Variants in CCND2 observed in about 807,000 individuals in gnomAD.
The protein encoded by CCND2 is cyclin D2.
Under a neutral mutation model 30.2 loss-of-function variants are expected in CCND2, and 6 were observed. The ratio of observed to expected loss-of-function variants is 0.20; its 90% confidence interval spans 0.11 to 0.39. CCND2 has a LOEUF of 0.39. Among genes scored for constraint, CCND2 ranks in the 10% least tolerant of loss-of-function variants. CCND2 has a pLI of 1.00. For missense variants in CCND2, 235 were observed against 373.4 expected (o/e 0.63, Z 3.06); for synonymous variants, 150 against 153.1 (o/e 0.98, Z 0.15).
Position 4,288,946 on chromosome 12 carries a change from G to T in CCND2, c.676G>T (p.Asp226Tyr). 6.2e-7 allele frequency: 1 copy of T among 1,613,930 alleles called. No homozygotes were observed. The highest frequency in any genetic ancestry group is 8.5e-7 in the Non-Finnish European group (1 of 1,179,916). The part of the protein sequence containing the change: ...QDEEVSSLTC[D>Y]ALTELLAKIT... Reference sequence around the variant, plus strand: ...TGAGGAAGTGAGCTCGCTCACTTGTGATGCCCTGACTGAGCTGCTGGCTAA... The same window carrying T: ...TGAGGAAGTGAGCTCGCTCACTTGTTATGCCCTGACTGAGCTGCTGGCTAA... Residue 226 changes from aspartate (D) to tyrosine (Y), a missense_variant, in exon 4 of 5, where the codon GAT becomes TAT. Around this residue, in one of 2 missense-constraint regions of CCND2, gnomAD observed 178 missense variants for 322.8 expected, o/e 0.55. Transcript: ENST00000261254.
At position 4,302,883 on chromosome 12, in the gene CCND2, G is replaced by A. The variant is rs1202950698; in HGVS notation, c.*2874G>A. 2 of 233,228 alleles carry A rather than the reference G, an allele frequency of 8.6e-6. No homozygotes were observed. Among genetic ancestry groups the A allele is most frequent in the African/African-American group, 4.4e-5 (2 of 45,330 alleles). 14.4% of individuals were successfully genotyped at this position (233,228 alleles called of 1,614,324 possible). ...AATGGGTGGTGAATTCTGAAGTTTT[G>A]GAGAGGGAAGTGGAGCAGCCAGCAA... is the stretch of plus-strand genomic sequence containing the variant. On this transcript the variant is annotated 3_prime_UTR_variant, in exon 5 of 5. Transcript: ENST00000261254.
Position 4,299,984 on chromosome 12 carries a change from C to T in CCND2, c.845C>T (p.Thr282Ile). 1 of 1,614,058 alleles carries T rather than the reference C, an allele frequency of 6.2e-7. No individual in the cohort carries two copies. The highest frequency in any genetic ancestry group is 8.5e-7 in the Non-Finnish European group (1 of 1,179,972). ...EDELDQASTP[T>I]DVRDIDL The stretch of plus-strand genomic sequence containing the variant: ...GAACTGGACCAAGCCAGCACCCCTA[C>T]AGACGTGCGGGATATCGACCTGTGA... The change falls in exon 5 of 5, where the codon ACA (threonine) becomes ATA (isoleucine). Residue 282 changes from threonine (T) to isoleucine (I), a missense_variant. By Grantham distance (89) the Thr-to-Ile change is moderately conservative. This residue lies in a region of CCND2 where 57 missense variants were observed against 50.7 expected (regional missense o/e 1.12). Coordinates refer to ENST00000261254, the MANE Select transcript of CCND2 (RefSeq NM_001759.4). The surrounding 1 kb of genome is among the most constrained non-coding windows in gnomAD (Gnocchi z 5.2).
chr12:4,276,384 A>G lies in CCND2; in HGVS notation c.411+164A>G, dbSNP rs886856576. Among the ~76,000 whole-genome samples the G allele has an allele frequency of 3.9e-5, 6 of 152,132 alleles. No homozygotes were observed. The highest frequency in any genetic ancestry group is 1.2e-4 in the African/African-American group (5 of 41,430). ...GCGATAGCTCATTTAATAGGAAACC[A>G]CTGTTTATTTTTTGTGTGTTCCTAC... On this transcript the variant is annotated intron_variant, in intron 2 of 4. Transcript: ENST00000261254. This position sits in a 1 kb window ranked among gnomAD's most constrained non-coding sequence, Gnocchi z 4.8.
rs1347588935 is a variant in CCND2 at position 4,285,728 on chromosome 12, G to A, written c.572-3114G>A. 1.3e-5 allele frequency among the ~76,000 whole-genome samples: 2 copies of A among 152,244 alleles called. No individual in the cohort carries two copies. The highest frequency in any genetic ancestry group is 4.8e-5 in the African/African-American group (2 of 41,462). On this transcript the variant is annotated intron_variant, in intron 3 of 4. Transcript: ENST00000261254. The surrounding 1 kb of genome is among the most constrained non-coding windows in gnomAD (Gnocchi z 4.1). ...TGGGTAGGTGGAGCTTTCCACAGTT[G>A]AGGGTGGGGGTTGGCTAATTACAGC...
chr12:4,282,720 C>T lies in CCND2; in HGVS notation c.571+3801C>T, dbSNP rs769305743. On this transcript the variant is annotated intron_variant, in intron 3 of 4. Transcript: ENST00000261254. This position sits in a 1 kb window ranked among gnomAD's most constrained non-coding sequence, Gnocchi z 4.3. ...GATGAATGGGTAGCAGGCTGCTCAT[C>T]GCCCTCCAACCAGCCCCCTCCCCAG... Among the ~76,000 whole-genome samples the T allele has an allele frequency of 1.3e-5, 2 of 152,210 alleles. No homozygotes were observed. The highest frequency in any genetic ancestry group is 1.3e-4 in the Admixed American group (2 of 15,290).
At position 4,287,541 on chromosome 12, in the gene CCND2, G is replaced by A. The variant is rs538747297; in HGVS notation, c.572-1301G>A. On this transcript the variant is annotated intron_variant, in intron 3 of 4. Transcript: ENST00000261254. The surrounding 1 kb of genome is among the most constrained non-coding windows in gnomAD (Gnocchi z 4.0). ...GCAATGCTAAAACGAGAAAGAGTAC[G>A]CTTTGGAAGACTTGCTGCACTCCAG... Among the ~76,000 whole-genome samples, 41 of 152,236 alleles carry A rather than the reference G, an allele frequency of 2.7e-4. No homozygotes were observed. Among genetic ancestry groups the A allele is most frequent in the African/African-American group, 8.2e-4 (34 of 41,516 alleles).
At position 4,300,043 on chromosome 12, in the gene CCND2, C is replaced by A; in HGVS notation, c.*34C>A. 6.3e-7 allele frequency: 1 copy of A among 1,593,046 alleles called. No homozygotes were observed. The highest frequency in any genetic ancestry group is 1.1e-5 in the South Asian group (1 of 89,006). The stretch of plus-strand genomic sequence containing the variant: ...GTTGGGCCGAAAGAGAGAGACGCGT[C>A]CATAATCTGGTCTCTTCTTCTTTCT... On this transcript the variant is annotated 3_prime_UTR_variant, in exon 5 of 5. Transcript: ENST00000261254.
intron 4 of CCND2, chr12:4,297,890 C>A (rs1003703175): frequency 4.5e-6 from 2 of 444,460 alleles, no homozygotes; most frequent in African/African-American, 4.0e-5. Flanking sequence ...CACGGAGACT[C>A]CTGCTGCTGC....
rs1555086115 is a variant in CCND2 at position 4,274,634 on chromosome 12, C to A, written c.195+399C>A. 1.3e-5 allele frequency among the ~76,000 whole-genome samples: 2 copies of A among 152,188 alleles called. No homozygotes were observed. Among genetic ancestry groups the A allele is most frequent in the Non-Finnish European group, 2.9e-5 (2 of 68,034 alleles). The stretch of plus-strand genomic sequence containing the variant: ...CCCCGAGTAGAAAGGCAACCCCCCC[C>A]AAAAGGCCAGAGCAAATTCGTCTTG... On this transcript the variant is annotated intron_variant, in intron 1 of 4. Transcript: ENST00000261254. This position sits in a 1 kb window ranked among gnomAD's most constrained non-coding sequence, Gnocchi z 7.7.
intron 3 of CCND2, among the ~76,000 whole-genome samples, chr12:4,286,477 C>G (rs527988407): frequency 1.1e-3 from 170 of 152,316 alleles, no homozygotes; most frequent in African/African-American, 4.0e-3. Context: ...GAGGAAGATG[C>G]TCGTCTTCTG....
Position 4,300,489 on chromosome 12 carries a change from G to A in CCND2, c.*480G>A, listed in dbSNP as rs1864234300. ...AAGGAATTGAAATAAGGAGGGACATGATGGGGAAGGAGTACAAAACAATCT... is the reference window on the plus strand; with the variant it reads ...AAGGAATTGAAATAAGGAGGGACATAATGGGGAAGGAGTACAAAACAATCT... On this transcript the variant is annotated 3_prime_UTR_variant, in exon 5 of 5. Coordinates refer to ENST00000261254, the MANE Select transcript of CCND2 (RefSeq NM_001759.4). The A allele has an allele frequency of 4.2e-6, 1 of 236,430 alleles. No homozygotes were observed. The highest frequency in any genetic ancestry group is 8.3e-6 in the Non-Finnish European group (1 of 119,798). 14.6% of individuals were successfully genotyped at this position (236,430 alleles called of 1,614,324 possible).
intron 3 of CCND2, among the ~76,000 whole-genome samples, chr12:4,284,475 C>T (rs765360737): frequency 3.3e-5 from 5 of 152,208 alleles, no homozygotes; most frequent in Non-Finnish European, 5.9e-5. Context: ...CCTGGGACGG[C>T]CTCTGTTGCC....
chr12:4,285,194 C>A lies in CCND2; in HGVS notation c.572-3648C>A. On this transcript the variant is annotated intron_variant, in intron 3 of 4. Transcript: ENST00000261254. This position sits in a 1 kb window ranked among gnomAD's most constrained non-coding sequence, Gnocchi z 4.1. ...GTTTTGGGGGGAGTCCTCCATGCTG[C>A]CTGGAACAGGGAGGAGCACATTGTC... is the stretch of plus-strand genomic sequence containing the variant. 1 of 699,084 alleles carries A rather than the reference C, an allele frequency of 1.4e-6. No homozygotes were observed. Among genetic ancestry groups the A allele is most frequent in the Non-Finnish European group, 1.8e-6 (1 of 568,562 alleles). The allele number at this position is 699,084 out of a possible 1,614,324, so 43.3% of individuals were successfully genotyped here. A position where few individuals can be genotyped will look rare whatever the true frequency, so the allele number is the denominator to read the frequency against.
At chr12:4,286,119 G>T (rs1864019392) in intron 3 of CCND2, among the ~76,000 whole-genome samples, 1 of 152,150 alleles carries the variant, frequency 6.6e-6, no homozygotes. Context: ...CAGGATACTT[G>T]TACAAGTATA....
intron 3 of CCND2, among the ~76,000 whole-genome samples, chr12:4,286,909 C>T (rs1376640980): frequency 6.6e-6 from 1 of 152,226 alleles, no homozygotes. Context: ...GCAGATGCTC[C>T]CACCCGGGCC....
At chr12:4,284,195 G>C (rs1443235004) in intron 3 of CCND2, among the ~76,000 whole-genome samples, 5 of 152,184 alleles carry the variant, frequency 3.3e-5, no homozygotes, top group Non-Finnish European at 7.3e-5. Flanking sequence ...GACATTCATT[G>C]CTTACCTTGA....
intron 2 of CCND2, among the ~76,000 whole-genome samples, chr12:4,277,525 A>G (rs1473156662): frequency 6.6e-6 from 1 of 152,258 alleles, no homozygotes; most frequent in Admixed American, 6.5e-5. Context: ...TTGTTTCGAG[A>G]GGATGGTGAA....
At chr12:4,297,923 C>T (rs151271126) in intron 4 of CCND2, 2 of 384,260 alleles carry the variant, frequency 5.2e-6, no homozygotes, top group Non-Finnish European at 1.1e-5. Flanking sequence ...ATGTTCAGCA[C>T]TCTTCCCAGA....
At chr12:4,275,921 A>C in intron 1 of CCND2, 84 bp from the exon 2 acceptor site, 1 of 846,318 alleles carries the variant, frequency 1.2e-6, no homozygotes, top group Non-Finnish European at 1.8e-6. Flanking sequence ...GTTTCGATAG[A>C]TTACGCTTTT....
Sources: gnomAD v4.1 joint callset for allele counts (sites outside exome capture counted in the v4.1 genomes callset) on GRCh38, gnomAD v4.1.1 for gene constraint, gnomAD v4.1.1 regional missense constraint, Gnocchi (gnomAD v3.1) non-coding constraint, MANE v1.5 for transcripts, NCBI Gene and HGNC (gene_info 2026-07-23, HGNC 2026-07-21) for gene names.